The following TVP23A variants were observed in gnomAD, a reference collection of about 807,000 sequenced individuals.
TVP23A encodes the protein Golgi apparatus membrane protein TVP23 homolog A.
TVP23A carries 21 observed loss-of-function variants against 31.7 expected under a neutral mutation model. The observed-to-expected ratio is 0.66, with a 90% CI of 0.47 to 0.95. TVP23A has a LOEUF of 0.95. Ranked by LOEUF, TVP23A falls within the 40% of genes least tolerant of loss-of-function variation. TVP23A has a pLI of 0.00. For missense variants in TVP23A, 279 were observed against 255.6 expected (o/e 1.09, Z -0.62); for synonymous variants, 104 against 96.0 (o/e 1.08, Z -0.49).
At chr16:10,771,462 G>C (rs1366456992) in intron 6 of TVP23A, among the ~76,000 whole-genome samples, 1 of 152,204 alleles carries the variant, frequency 6.6e-6, no homozygotes, top group Non-Finnish European at 1.5e-5. Context: ...TTGAGCCCAA[G>C]AGATGGAGGT....
chr16:10,770,134 G>T, intron 7 of TVP23A, 138 bp downstream of exon 7: 1 of 1,095,276 alleles, frequency 9.1e-7, no homozygotes. Context: ...TGCCCAGTCT[G>T]CTTCCTGCCT....
intron 2 of TVP23A, among the ~76,000 whole-genome samples, chr16:10,802,587 G>A (rs1360953019): frequency 1.3e-5 from 2 of 152,024 alleles, no homozygotes; most frequent in African/African-American, 4.8e-5. Context: ...TCCAATTAGT[G>A]AATCTTGGTA....
chr16:10,780,125 GAATA>G lies in TVP23A; in HGVS notation c.90-5033_90-5030del, dbSNP rs1417062166. Among the ~76,000 whole-genome samples, 490 of 128,726 alleles carry G rather than the reference GAATA, an allele frequency of 3.8e-3. 4 individuals are homozygous for G. The highest frequency in any genetic ancestry group is 0.013 in the African/African-American group (471 of 35,302). 84.4% of individuals were successfully genotyped at this position (128,726 alleles called of 152,430 possible). On this transcript the variant is annotated intron_variant, in intron 2 of 7. Coordinates refer to ENST00000299866, the MANE Select transcript of TVP23A (RefSeq NM_001079512.4). The stretch of plus-strand genomic sequence containing the variant: ...TGAATGAATGAATGAATGAATGAAT[GAATA>G]AAATAAAATAAAGATTAACTTCTTT...
chr16:10,762,309 G>T (rs1028848311), downstream of TVP23A, among the ~76,000 whole-genome samples: 1 of 152,182 alleles, frequency 6.6e-6, no homozygotes, highest in Non-Finnish European at 1.5e-5. Context: ...GGGACAGACC[G>T]GAACGCGGAT....
chr16:10,766,610 C>T (rs751769399), downstream of TVP23A: 23 of 187,136 alleles, frequency 1.2e-4, no homozygotes, highest in Non-Finnish European at 2.2e-4. This position sits in a 1 kb window ranked among gnomAD's most constrained non-coding sequence, Gnocchi z 4.8. Flanking sequence ...ATGGGCCCAG[C>T]GTTAACGGCG....
Position 10,789,451 on chromosome 16 carries a change from G to A in TVP23A, c.90-14355C>T, listed in dbSNP as rs367626577. 7.2e-5 allele frequency among the ~76,000 whole-genome samples: 11 copies of A among 152,284 alleles called. 2 individuals are homozygous for A. The highest frequency in any genetic ancestry group is 1.3e-4 in the Admixed American group (2 of 15,282). ...CATGACATAGCCTTCAGGAGATCCT[G>A]AGAACATGTGCCCAAGGTGGTTGGG... On this transcript the variant is annotated intron_variant, in intron 2 of 7. Transcript: ENST00000299866.
chr16:10,760,361 C>G (rs1014256069), downstream of TVP23A, among the ~76,000 whole-genome samples: 1 of 152,234 alleles, frequency 6.6e-6, no homozygotes, highest in Admixed American at 6.5e-5. Context: ...AGCCCCCAGG[C>G]TGGGGTTTGC....
intron 2 of TVP23A, among the ~76,000 whole-genome samples, chr16:10,813,636 A>T (rs1197648200): frequency 6.6e-6 from 1 of 152,150 alleles, no homozygotes; most frequent in Non-Finnish European, 1.5e-5. Flanking sequence ...CTAAAACAAC[A>T]CACATATGAA....
At chr16:10,811,248 G>C (rs1386675909) in intron 2 of TVP23A, among the ~76,000 whole-genome samples, 1 of 152,042 alleles carries the variant, frequency 6.6e-6, no homozygotes. Flanking sequence ...GAAATTGGTG[G>C]AATGTGAATT....
At chr16:10,816,228 C>CAAAAAAAAAAAAAAAAAAAAAAAAAA (rs760801777) in intron 2 of TVP23A, among the ~76,000 whole-genome samples, 1 of 73,828 alleles carries the variant, frequency 1.4e-5, no homozygotes, top group African/African-American at 3.8e-5. Flanking sequence ...AACCCTATCT[C>CAAAAAAAAAAAAAAAAAAAAAAAAAA]AAAAAAAAAA....
chr16:10,794,666 G>A (rs2033288299), intron 2 of TVP23A, among the ~76,000 whole-genome samples: 1 of 152,178 alleles, frequency 6.6e-6, no homozygotes, highest in Non-Finnish European at 1.5e-5. Flanking sequence ...GTGGTGCACA[G>A]GGTGAGGGCG....
downstream of TVP23A, chr16:10,761,811 G>C (rs377280287): frequency 2.3e-5 from 37 of 1,614,038 alleles, no homozygotes; most frequent in Non-Finnish European, 2.8e-5. Flanking sequence ...CATGTGCCAG[G>C]ACTTGGAGGT....
At chr16:10,785,188 T>C (rs2142962893) in intron 2 of TVP23A, among the ~76,000 whole-genome samples, 1 of 151,702 alleles carries the variant, frequency 6.6e-6, no homozygotes, top group South Asian at 2.1e-4. Flanking sequence ...GTGGATCACC[T>C]GAGGTCAGGA....
In TVP23A at chr16:10,807,517, T is replaced by A. The variant is rs1480470184; in HGVS notation, c.89+10586A>T. On this transcript the variant is annotated intron_variant, in intron 2 of 7. Coordinates refer to ENST00000299866, the MANE Select transcript of TVP23A (RefSeq NM_001079512.4). ...GGCTGTGAGGGGACACTTGGCCACATCAGGAGACATTTTTCATTGTCACAT... is the reference window on the plus strand; with the variant it reads ...GGCTGTGAGGGGACACTTGGCCACAACAGGAGACATTTTTCATTGTCACAT... Among the ~76,000 whole-genome samples the A allele has an allele frequency of 2.0e-5, 3 of 152,264 alleles. No individual in the cohort carries two copies. In the East Asian group the frequency reaches 5.8e-4, roughly 29 times the overall value.
In TVP23A at chr16:10,767,847, A is replaced by T; in HGVS notation, c.*1255T>A. 2 of 1,092,212 alleles carry T rather than the reference A, an allele frequency of 1.8e-6. No homozygotes were observed. The highest frequency in any genetic ancestry group is 1.3e-5 in the South Asian group (1 of 78,218). The allele number at this position is 1,092,212 out of a possible 1,614,324, so 67.7% of individuals were successfully genotyped here. ...TCTTCATTACGAGTGAAGCGGGCTC[A>T]AGATCTTCCCATTGTCACCAGCACG... On this transcript the variant is annotated 3_prime_UTR_variant, in exon 8 of 8. Coordinates refer to ENST00000299866, the MANE Select transcript of TVP23A (RefSeq NM_001079512.4). This position sits in a 1 kb window ranked among gnomAD's most constrained non-coding sequence, Gnocchi z 4.6.
Position 10,771,686 on chromosome 16 carries a change from T to C in TVP23A, c.566A>G (p.Gln189Arg), listed in dbSNP as rs1375788098. The C allele has an allele frequency of 4.3e-6, 7 of 1,613,752 alleles. No individual in the cohort carries two copies. The highest frequency in any genetic ancestry group is 5.9e-6 in the Non-Finnish European group (7 of 1,179,858). The change falls in exon 6 of 8, where the codon CAG (glutamine) becomes CGG (arginine). Residue 189 changes from glutamine (Q) to arginine (R), a missense_variant. Gln to Arg is a conservative substitution (Grantham distance 43, BLOSUM62 1). Coordinates refer to ENST00000299866, the MANE Select transcript of TVP23A (RefSeq NM_001079512.4). The part of the protein sequence containing the change: ...IGKVTASFLS[Q>R]TVFQTACPGD... ...GTTACTCACCGTCTGGAACACTGTC[T>C]GGGACAGGAAACTGGCTGTGACCTT...
At chr16:10,813,836 A>G (rs1204601782) in intron 2 of TVP23A, among the ~76,000 whole-genome samples, 2 of 151,772 alleles carry the variant, frequency 1.3e-5, no homozygotes, top group Non-Finnish European at 2.9e-5. Flanking sequence ...CCCTGTCTCT[A>G]CTAAAAATAC....
chr16:10,812,758 TA>T (rs2034260716), intron 2 of TVP23A, among the ~76,000 whole-genome samples: 1 of 152,152 alleles, frequency 6.6e-6, no homozygotes, highest in Admixed American at 6.5e-5. Context: ...GGAGAGTTGT[TA>T]AACGGCACAG....
chr16:10,788,895 T>C (rs1485713072), intron 2 of TVP23A, among the ~76,000 whole-genome samples: 1 of 152,162 alleles, frequency 6.6e-6, no homozygotes, highest in African/African-American at 2.4e-5. Flanking sequence ...TGTTTGCAGA[T>C]AAGAGAGCAG....
Sources: allele counts gnomAD v4.1 joint callset (sites outside exome capture counted in the v4.1 genomes callset), GRCh38; gene constraint gnomAD v4.1.1; non-coding constraint Gnocchi (gnomAD v3.1); transcripts MANE v1.5; gene names NCBI Gene and HGNC (gene_info 2026-07-23, HGNC 2026-07-21).